VEGFA: variants seen among roughly 807,000 people sequenced by gnomAD.
The protein encoded by VEGFA is vascular endothelial growth factor A.
In VEGFA, 20 loss-of-function variants were observed where a neutral mutation model predicts 49.7. The ratio of observed to expected loss-of-function variants is 0.40; its 90% CI spans 0.28 to 0.58. VEGFA has a LOEUF of 0.58. Among genes scored for constraint, VEGFA ranks in the 20% least tolerant of loss-of-function variants. The pLI, the probability that VEGFA is intolerant of heterozygous loss-of-function variation, is 0.40. For synonymous variants in VEGFA, 219 were observed against 223.4 expected (o/e 0.98, Z 0.18); for missense variants, 505 against 553.5 (o/e 0.91, Z 0.88).
In VEGFA at chr6:43,777,150, T is replaced by C. The variant is rs1198510206; in HGVS notation, c.659-319T>C. 4.6e-6 allele frequency: 2 copies of C among 439,246 alleles called. No homozygotes were observed. The highest frequency in any genetic ancestry group is 8.6e-6 in the Non-Finnish European group (2 of 232,694). 27.2% of individuals were successfully genotyped at this position (439,246 alleles called of 1,614,324 possible). ...CCATGGGGTATACCCATACTCAGAC[T>C]GTCCTCTGGCATCGAGGTTGGCCCA... On this transcript the variant is annotated intron_variant, in intron 2 of 7. Transcript: ENST00000672860. This position sits in a 1 kb window ranked among gnomAD's most constrained non-coding sequence, Gnocchi z 4.3.
At chr6:43,776,115 T>C (rs1393735286) in intron 2 of VEGFA, 1 of 152,178 alleles carries the variant, frequency 6.6e-6, no homozygotes, top group Non-Finnish European at 1.5e-5. Context: ...AGAGCACTTG[T>C]TCCTAGGGCT....
At position 43,780,665 on chromosome 6, in the gene VEGFA, C is replaced by T. The variant is rs1004702325; in HGVS notation, c.963-67C>T. The T allele has an allele frequency of 1.9e-6, 3 of 1,561,854 alleles. No individual in the cohort carries two copies. In the African/African-American group the frequency reaches 4.1e-5, roughly 21 times the overall value. On this transcript the variant is annotated intron_variant, in intron 5 of 7. Transcript: ENST00000672860. ...TGGTCGTTCCCCCATCCCTGCCCAC[C>T]TTACCACTTCTTTTACTCCCCCCAC...
At chr6:43,774,297 C>T (rs1170884288) in intron 1 of VEGFA, 44 bp from the exon 2 acceptor site, 7 of 1,610,046 alleles carry the variant, frequency 4.3e-6, no homozygotes. Flanking sequence ...CTGTGCACCC[C>T]AGCCCCTGCC....
At chr6:43,784,193 C>T in intron 7 of VEGFA, 1 of 418,092 alleles carries the variant, frequency 2.4e-6, no homozygotes. Flanking sequence ...CACCCATCAG[C>T]TCTTAAAATG....
rs1018674071 is a variant in VEGFA at position 43,777,035 on chromosome 6, A to G, written c.659-434A>G. The G allele has an allele frequency of 5.9e-6, 2 of 338,768 alleles. No homozygotes were observed. Among genetic ancestry groups the G allele is most frequent in the Admixed American group, 4.0e-5 (1 of 25,222 alleles). 21.0% of individuals were successfully genotyped at this position (338,768 alleles called of 1,614,324 possible). On this transcript the variant is annotated intron_variant, in intron 2 of 7. Coordinates refer to ENST00000672860, the MANE Select transcript of VEGFA (RefSeq NM_003376.6). This position sits in a 1 kb window ranked among gnomAD's most constrained non-coding sequence, Gnocchi z 4.3. Reference sequence around the variant, plus strand: ...AACAGCTGTTGGTATGGTTGACGTTATGGTAGTGGTTGTGGGGAGGACGTA... The same window carrying G: ...AACAGCTGTTGGTATGGTTGACGTTGTGGTAGTGGTTGTGGGGAGGACGTA...
chr6:43,781,834 G>A, intron 6 of VEGFA, 122 bp from the exon 7 acceptor site: 1 of 1,358,840 alleles, frequency 7.4e-7, no homozygotes, highest in Non-Finnish European at 1.0e-6. Context: ...CCAGGGCCTG[G>A]GGGCTGACCG....
chr6:43,784,640 C>G lies in VEGFA; in HGVS notation c.*78C>G, dbSNP rs200439877. The G allele has an allele frequency of 6.2e-7, 1 of 1,613,192 alleles. No individual in the cohort carries two copies. Among genetic ancestry groups the G allele is most frequent in the African/African-American group, 1.3e-5 (1 of 74,898 alleles). On this transcript the variant is annotated 3_prime_UTR_variant, in exon 8 of 8. Transcript: ENST00000672860. ...CCAGGAAAGACTGATACAGAACGAT[C>G]GATACAGAAACCACGCTGCCGCCAC... is the stretch of plus-strand genomic sequence containing the variant.
Position 43,784,898 on chromosome 6 carries a change from A to T in VEGFA, c.*336A>T. On this transcript the variant is annotated 3_prime_UTR_variant, in exon 8 of 8. Coordinates refer to ENST00000672860, the MANE Select transcript of VEGFA (RefSeq NM_003376.6). ...TTTTATTTCTGGGATTCCTGTAGACACACCCACCCACATACATACATTTAT... is the reference window on the plus strand; with the variant it reads ...TTTTATTTCTGGGATTCCTGTAGACTCACCCACCCACATACATACATTTAT... 1 of 460,136 alleles carries T rather than the reference A, an allele frequency of 2.2e-6. No individual in the cohort carries two copies. Among genetic ancestry groups the T allele is most frequent in the Non-Finnish European group, 3.9e-6 (1 of 253,940 alleles). 28.5% of individuals were successfully genotyped at this position (460,136 alleles called of 1,614,324 possible). A position where few individuals can be genotyped will look rare whatever the true frequency, so the allele number is the denominator to read the frequency against.
rs1431263466 is a variant in VEGFA, at chr6:43,770,877, A to G, written c.171A>G (p.Gln57=). The G allele has an allele frequency of 3.2e-6, 5 of 1,540,252 alleles. No homozygotes were observed. The highest frequency in any genetic ancestry group is 3.5e-6 in the Non-Finnish European group (4 of 1,143,826). Reference sequence around the variant, plus strand: ...GCGTCGCACTGAAACTTTTCGTCCAACTTCTGGGCTGTTCTCGCTTCGGAG... The same window carrying G: ...GCGTCGCACTGAAACTTTTCGTCCAGCTTCTGGGCTGTTCTCGCTTCGGAG... Residue 57 remains glutamine (Q), a synonymous_variant, in exon 1 of 8, where the codon CAA becomes CAG. Transcript: ENST00000672860.
rs1561990401 is a variant in VEGFA, at chr6:43,777,688, GC to G, written c.855+24del. On this transcript the variant is annotated intron_variant, in intron 3 of 7. Coordinates refer to ENST00000672860, the MANE Select transcript of VEGFA (RefSeq NM_003376.6). The surrounding 1 kb of genome is among the most constrained non-coding windows in gnomAD (Gnocchi z 4.3). Reference sequence around the variant, plus strand: ...CAGGTGGGCATCTTTGGGAAGTGGGGCAAGGGGGGGATAGGGAGGGGGGTAA... The same window carrying G: ...CAGGTGGGCATCTTTGGGAAGTGGGGAAGGGGGGGATAGGGAGGGGGGTAA... The G allele has an allele frequency of 3.9e-6, 3 of 774,768 alleles. No homozygotes were observed. In the Admixed American group the frequency reaches 5.7e-5, roughly 15 times the overall value. The allele number at this position is 774,768 out of a possible 1,614,324, so 48.0% of individuals were successfully genotyped here. A position where few individuals can be genotyped will look rare whatever the true frequency, so the allele number is the denominator to read the frequency against.
chr6:43,771,918 C>G, intron 1 of VEGFA: 1 of 678,998 alleles, frequency 1.5e-6, no homozygotes, highest in Non-Finnish European at 1.8e-6. Flanking sequence ...CGTCCCCGCT[C>G]GCGTCCCGCT....
intron 5 of VEGFA, 29 bp from the exon 6 acceptor site, chr6:43,780,703 C>T (rs2128044426): frequency 6.2e-7 from 1 of 1,609,392 alleles, no homozygotes; most frequent in Non-Finnish European, 8.5e-7. Flanking sequence ...CCCCCGCTCT[C>T]TCTCTGTCTC....
At position 43,777,870 on chromosome 6, in the gene VEGFA, C is replaced by T; in HGVS notation, c.855+205C>T. ...CAGGTTCCCAGCAAGCCCCAACCAT[C>T]TCCTTCTCCCTGATGGTTGCCCATG... On this transcript the variant is annotated intron_variant, in intron 3 of 7. Transcript: ENST00000672860. This position sits in a 1 kb window ranked among gnomAD's most constrained non-coding sequence, Gnocchi z 4.3. The T allele has an allele frequency of 1.6e-6, 1 of 615,788 alleles. No individual in the cohort carries two copies. Among genetic ancestry groups the T allele is most frequent in the Non-Finnish European group, 2.8e-6 (1 of 351,482 alleles). 38.1% of individuals were successfully genotyped at this position (615,788 alleles called of 1,614,324 possible).
Position 43,785,579 on chromosome 6 carries a change from C to T in VEGFA, c.*1017C>T, listed in dbSNP as rs911639125. 1 of 208,520 alleles carries T rather than the reference C, an allele frequency of 4.8e-6. No individual in the cohort carries two copies. Among genetic ancestry groups the T allele is most frequent in the Admixed American group, 5.9e-5 (1 of 16,896 alleles). 12.9% of individuals were successfully genotyped at this position (208,520 alleles called of 1,614,324 possible). A position where few individuals can be genotyped will look rare whatever the true frequency, so the allele number is the denominator to read the frequency against. On this transcript the variant is annotated 3_prime_UTR_variant, in exon 8 of 8. Transcript: ENST00000672860. ...TCGCCCTCATCCTCTTCCTGCTCCC[C>T]TTCCTGGGGTGCAGCCTAAAAGGAC...
Position 43,770,620 on chromosome 6 carries a change from G to A in VEGFA, c.-87G>A, listed in dbSNP as rs1763251136. ...GCGTGCGAGCAGCGAAAGCGACAGGGGCAAAGTGAGTGACCTGCTTTTGGG... is the reference window on the plus strand; with the variant it reads ...GCGTGCGAGCAGCGAAAGCGACAGGAGCAAAGTGAGTGACCTGCTTTTGGG... On this transcript the variant is annotated 5_prime_UTR_variant, in exon 1 of 8. Coordinates refer to ENST00000672860, the MANE Select transcript of VEGFA (RefSeq NM_003376.6). 3.4e-6 allele frequency: 5 copies of A among 1,462,140 alleles called. No individual in the cohort carries two copies. The South Asian group carries it at 6.8e-5, about 20-fold the overall frequency. The allele number at this position is 1,462,140 out of a possible 1,614,324, so 90.6% of individuals were successfully genotyped here. A position where few individuals can be genotyped will look rare whatever the true frequency, so the allele number is the denominator to read the frequency against.
chr6:43,777,098 T>C lies in VEGFA; in HGVS notation c.659-371T>C. The C allele has an allele frequency of 2.8e-6, 1 of 361,792 alleles. No homozygotes were observed. Among genetic ancestry groups the C allele is most frequent in the Admixed American group, 3.8e-5 (1 of 26,402 alleles). 22.4% of individuals were successfully genotyped at this position (361,792 alleles called of 1,614,324 possible). A position where few individuals can be genotyped will look rare whatever the true frequency, so the allele number is the denominator to read the frequency against. On this transcript the variant is annotated intron_variant, in intron 2 of 7. Coordinates refer to ENST00000672860, the MANE Select transcript of VEGFA (RefSeq NM_003376.6). The surrounding 1 kb of genome is among the most constrained non-coding windows in gnomAD (Gnocchi z 4.3). Reference sequence around the variant, plus strand: ...CTAGCTTGGCAAAGCTGGCTCTTCCTCCTTTTAGGGAAAGCTTAGAGCATC... The same window carrying C: ...CTAGCTTGGCAAAGCTGGCTCTTCCCCCTTTTAGGGAAAGCTTAGAGCATC...
Position 43,782,091 on chromosome 6 carries a change from G to A in VEGFA, c.1166+4G>A. 2 of 1,613,528 alleles carry A rather than the reference G, an allele frequency of 1.2e-6. No homozygotes were observed. The highest frequency in any genetic ancestry group is 1.1e-5 in the South Asian group (1 of 91,038). On this transcript the variant is annotated splice_donor_region_variant and intron_variant, in intron 7 of 7. Transcript: ENST00000672860. Reference sequence around the variant, plus strand: ...AGTTAAACGAACGTACTTGCAGGTTGGTTCCCAGAGGGCAAGCAAGTCAGA... The same window carrying A: ...AGTTAAACGAACGTACTTGCAGGTTAGTTCCCAGAGGGCAAGCAAGTCAGA...
In VEGFA at chr6:43,780,728, C is replaced by G; in HGVS notation, c.963-4C>G. On this transcript the variant is annotated splice_polypyrimidine_tract_variant and splice_region_variant and intron_variant, in intron 5 of 7. Transcript: ENST00000672860. Reference sequence around the variant, plus strand: ...CTCTCTGTCTCTGTTTTTTTATTTTCCAGAAAATCAGTTCGAGGAAAGGGA... The same window carrying G: ...CTCTCTGTCTCTGTTTTTTTATTTTGCAGAAAATCAGTTCGAGGAAAGGGA... 2 of 1,422,172 alleles carry G rather than the reference C, an allele frequency of 1.4e-6. No homozygotes were observed. Among genetic ancestry groups the G allele is most frequent in the East Asian group, 3.1e-5 (1 of 32,610 alleles). 88.1% of individuals were successfully genotyped at this position (1,422,172 alleles called of 1,614,324 possible).
At position 43,777,256 on chromosome 6, in the gene VEGFA, G is replaced by T; in HGVS notation, c.659-213G>T. 3.1e-6 allele frequency: 2 copies of T among 641,330 alleles called. No homozygotes were observed. Among genetic ancestry groups the T allele is most frequent in the Non-Finnish European group, 5.7e-6 (2 of 352,406 alleles). 39.7% of individuals were successfully genotyped at this position (641,330 alleles called of 1,614,324 possible). On this transcript the variant is annotated intron_variant, in intron 2 of 7. Coordinates refer to ENST00000672860, the MANE Select transcript of VEGFA (RefSeq NM_003376.6). This position sits in a 1 kb window ranked among gnomAD's most constrained non-coding sequence, Gnocchi z 4.3. ...CCCTTGGAACTTGAGTACATCGTGT[G>T]ATCTCTGGAATGAAAACAGGCCTTC...
Sources: gnomAD v4.1 joint callset for allele counts on GRCh38, gnomAD v4.1.1 for gene constraint, Gnocchi (gnomAD v3.1) non-coding constraint, MANE v1.5 for transcripts, NCBI Gene and HGNC (gene_info 2026-07-23, HGNC 2026-07-21) for gene names.